Variants in C2orf15 observed in about 807,000 individuals in gnomAD.
The protein encoded by C2orf15 is uncharacterized protein C2orf15.
In C2orf15, 3 loss-of-function variants were observed where a neutral mutation model predicts 4.4. The observed-to-expected ratio is 0.67, with a 90% CI of 0.31 to 1.74. C2orf15 has a LOEUF of 1.74. Ranked by LOEUF, C2orf15 falls within the 40% of genes most tolerant of loss-of-function variation. The probability of loss-of-function intolerance (pLI) is 0.09; values close to 1 mark genes in which losing one functional copy is unlikely to be tolerated. For synonymous variants in C2orf15, 37 were observed against 36.8 expected (o/e 1.00, Z -0.02); for missense variants, 90 against 103.3 (o/e 0.87, Z 0.56).
Position 99,150,485 on chromosome 2 carries a change from A to G in C2orf15, c.-74A>G, listed in dbSNP as rs750988071. 53 of 1,505,892 alleles carry G rather than the reference A, an allele frequency of 3.5e-5. No individual in the cohort carries two copies. The highest frequency in any genetic ancestry group is 4.6e-5 in the Non-Finnish European group (51 of 1,120,648). 93.3% of individuals were successfully genotyped at this position (1,505,892 alleles called of 1,614,324 possible). On this transcript the variant is annotated splice_region_variant and 5_prime_UTR_variant, in exon 4 of 4. Transcript: ENST00000650052. ...GTTACTTTTTTTTTTTTTTTCAGTA[A>G]TCAAGTTGAAGAAACACTTCCACTA...
rs1427865781 is a variant in C2orf15, at chr2:99,142,388, C to A, written c.-182C>A. On this transcript the variant is annotated 5_prime_UTR_variant, in exon 2 of 4. Coordinates refer to ENST00000650052, the MANE Select transcript of C2orf15 (RefSeq NM_144706.4). Reference sequence around the variant, plus strand: ...CTCTCGTTTGAGGAGACTAACAATTCCTGTTTTCGCCAGGTGAGTACTCAT... The same window carrying A: ...CTCTCGTTTGAGGAGACTAACAATTACTGTTTTCGCCAGGTGAGTACTCAT... 6.6e-6 allele frequency: 1 copy of A among 152,156 alleles called. No homozygotes were observed. Among genetic ancestry groups the A allele is most frequent in the Admixed American group, 6.5e-5 (1 of 15,284 alleles). The allele number at this position is 152,156 out of a possible 1,614,324, so 9.4% of individuals were successfully genotyped here. A position where few individuals can be genotyped will look rare whatever the true frequency, so the allele number is the denominator to read the frequency against.
Position 99,147,436 on chromosome 2 carries a change from A to G in C2orf15, c.-134A>G. 1 of 1,613,110 alleles carries G rather than the reference A, an allele frequency of 6.2e-7. No individual in the cohort carries two copies. The highest frequency in any genetic ancestry group is 8.5e-7 in the Non-Finnish European group (1 of 1,179,144). On this transcript the variant is annotated 5_prime_UTR_variant, in exon 3 of 4. Coordinates refer to ENST00000650052, the MANE Select transcript of C2orf15 (RefSeq NM_144706.4). ...TGAATGGCAACCTAAATGCCAGTCC[A>G]AAGAGGCCCCCAATAGACTTGTTCA... is the stretch of plus-strand genomic sequence containing the variant.
At chr2:99,143,402 A>G (rs6726618) in intron 2 of C2orf15, among the ~76,000 whole-genome samples, 89,137 of 148,998 alleles carry the variant, frequency 0.6, 27,273 homozygotes, top group East Asian at 0.88. Context: ...CTCATGATCC[A>G]CCCGCCTCAG....
rs868706269 is a variant in C2orf15 at position 99,150,894 on chromosome 2, A to C, written c.*60A>C. 1.5e-5 allele frequency: 17 copies of C among 1,103,112 alleles called. No homozygotes were observed. The Middle Eastern group carries it at 6.2e-4, about 40-fold the overall frequency. 68.3% of individuals were successfully genotyped at this position (1,103,112 alleles called of 1,614,324 possible). ...CTGCCTTTGACTAAGGGGGGTGTTGAAAGAGAACTTAACCTTATTAGGAAA... is the reference window on the plus strand; with the variant it reads ...CTGCCTTTGACTAAGGGGGGTGTTGCAAGAGAACTTAACCTTATTAGGAAA... On this transcript the variant is annotated 3_prime_UTR_variant, in exon 4 of 4. Coordinates refer to ENST00000650052, the MANE Select transcript of C2orf15 (RefSeq NM_144706.4).
At chr2:99,143,875 C>T (rs1299036310) in intron 2 of C2orf15, among the ~76,000 whole-genome samples, 1 of 152,120 alleles carries the variant, frequency 6.6e-6, no homozygotes, top group Non-Finnish European at 1.5e-5. Flanking sequence ...TCAAAAGCTT[C>T]ACTACAAAAA....
At position 99,150,521 on chromosome 2, in the gene C2orf15, T is replaced by C; in HGVS notation, c.-38T>C. ...GAAACACTTCCACTACTTAAAAAGG[T>C]ACCTGCAAATTACTTTCACATTTGT... On this transcript the variant is annotated 5_prime_UTR_variant, in exon 4 of 4. Coordinates refer to ENST00000650052, the MANE Select transcript of C2orf15 (RefSeq NM_144706.4). The C allele has an allele frequency of 6.3e-7, 1 of 1,596,790 alleles. No homozygotes were observed.
intron 2 of C2orf15, among the ~76,000 whole-genome samples, chr2:99,146,298 G>A (rs2093631281): frequency 6.6e-6 from 1 of 152,132 alleles, no homozygotes; most frequent in Non-Finnish European, 1.5e-5. Flanking sequence ...TGTGAATTAT[G>A]TTTTTATATC....
intron 3 of C2orf15, among the ~76,000 whole-genome samples, chr2:99,149,859 A>C (rs11684610): frequency 0.61 from 87,108 of 143,476 alleles, 26,700 homozygotes; most frequent in East Asian, 0.89. Flanking sequence ...GTGGTGCAAT[A>C]TTGGCTCACT....
At chr2:99,150,186 T>G (rs2093678897) in intron 3 of C2orf15, among the ~76,000 whole-genome samples, 1 of 152,202 alleles carries the variant, frequency 6.6e-6, no homozygotes, top group South Asian at 2.1e-4. Context: ...TTTAGCCCAT[T>G]AGTAATGAAT....
intron 2 of C2orf15, among the ~76,000 whole-genome samples, chr2:99,145,561 A>AAG (rs1273022990): frequency 1.1e-5 from 1 of 93,960 alleles, no homozygotes; most frequent in African/African-American, 3.4e-5. Context: ...CTGTCCCAAA[A>AAG]AGAAAAAAAA....
chr2:99,147,598 C>G (rs1387153367), intron 3 of C2orf15, 105 bp downstream of exon 3: 1 of 969,068 alleles, frequency 1.0e-6, no homozygotes, highest in Non-Finnish European at 1.6e-6. Context: ...TGTTACCATT[C>G]TTTTACGTTT....
intron 2 of C2orf15, among the ~76,000 whole-genome samples, chr2:99,143,127 C>G (rs1046340641): frequency 2.1e-5 from 3 of 142,168 alleles, no homozygotes; most frequent in Non-Finnish European, 4.6e-5. Context: ...CCTGCCCCAA[C>G]TAAACCTTTT....
rs930421836 is a variant in C2orf15 at position 99,145,746 on chromosome 2, G to T, written c.-168-1656G>T. Among the ~76,000 whole-genome samples, 4 of 152,202 alleles carry T rather than the reference G, an allele frequency of 2.6e-5. No homozygotes were observed. In the South Asian group the frequency reaches 8.3e-4, roughly 32 times the overall value. On this transcript the variant is annotated intron_variant, in intron 2 of 3. Coordinates refer to ENST00000650052, the MANE Select transcript of C2orf15 (RefSeq NM_144706.4). ...GAAGACTATTATTCTGCCTACCACA[G>T]CTGGGGACCAGATATGTAGATAATT...
intron 2 of C2orf15, among the ~76,000 whole-genome samples, chr2:99,146,821 G>A (rs758922193): frequency 6.6e-6 from 1 of 152,152 alleles, no homozygotes; most frequent in Admixed American, 6.5e-5. Context: ...TAGAGACAGA[G>A]TTTCACCATG....
rs1234859315 is a variant in C2orf15 at position 99,150,871 on chromosome 2, G to T, written c.*37G>T. The T allele has an allele frequency of 7.2e-7, 1 of 1,390,166 alleles. No individual in the cohort carries two copies. Among genetic ancestry groups the T allele is most frequent in the Non-Finnish European group, 9.9e-7 (1 of 1,013,236 alleles). The allele number at this position is 1,390,166 out of a possible 1,614,324, so 86.1% of individuals were successfully genotyped here. A position where few individuals can be genotyped will look rare whatever the true frequency, so the allele number is the denominator to read the frequency against. ...CGTATTACCAAAGAAACCAAAAACTGCCTTTGACTAAGGGGGGTGTTGAAA... is the reference window on the plus strand; with the variant it reads ...CGTATTACCAAAGAAACCAAAAACTTCCTTTGACTAAGGGGGGTGTTGAAA... On this transcript the variant is annotated 3_prime_UTR_variant, in exon 4 of 4. Coordinates refer to ENST00000650052, the MANE Select transcript of C2orf15 (RefSeq NM_144706.4).
intron 2 of C2orf15, among the ~76,000 whole-genome samples, chr2:99,146,140 G>A (rs1376412870): frequency 6.6e-6 from 1 of 151,928 alleles, no homozygotes; most frequent in Non-Finnish European, 1.5e-5. Flanking sequence ...AAAATTAGCC[G>A]GGCATGGTGG....
Position 99,142,284 on chromosome 2 carries a change from G to A in C2orf15, c.-285-1G>A, listed in dbSNP as rs2093575097. 6.6e-6 allele frequency: 1 copy of A among 152,176 alleles called. No homozygotes were observed. The highest frequency in any genetic ancestry group is 2.1e-4 in the South Asian group (1 of 4,828). 9.4% of individuals were successfully genotyped at this position (152,176 alleles called of 1,614,324 possible). On this transcript the variant is annotated splice_acceptor_variant, in intron 1 of 3. Transcript: ENST00000650052. LOFTEE classifies it low-confidence loss of function (5UTR_SPLICE). ...GGTGACTTTATCTCCTTTTCCTGCAGATGACATAGACACTAGGTTTTTACA... is the reference window on the plus strand; with the variant it reads ...GGTGACTTTATCTCCTTTTCCTGCAAATGACATAGACACTAGGTTTTTACA...
chr2:99,147,621 T>C, intron 3 of C2orf15, 128 bp downstream of exon 3: 5 of 815,170 alleles, frequency 6.1e-6, no homozygotes, highest in Non-Finnish European at 9.6e-6. Flanking sequence ...TGATTTCAAA[T>C]GCCATGTTTT....
At position 99,142,377 on chromosome 2, in the gene C2orf15, G is replaced by A. The variant is rs1468441742; in HGVS notation, c.-193G>A. ...TCAAGAGTAAGCTCTCGTTTGAGGAGACTAACAATTCCTGTTTTCGCCAGG... is the reference window on the plus strand; with the variant it reads ...TCAAGAGTAAGCTCTCGTTTGAGGAAACTAACAATTCCTGTTTTCGCCAGG... On this transcript the variant is annotated 5_prime_UTR_variant, in exon 2 of 4. Transcript: ENST00000650052. 1 of 152,172 alleles carries A rather than the reference G, an allele frequency of 6.6e-6. No individual in the cohort carries two copies. 9.4% of individuals were successfully genotyped at this position (152,172 alleles called of 1,614,324 possible).
Sources: allele counts gnomAD v4.1 joint callset (sites outside exome capture counted in the v4.1 genomes callset), GRCh38; gene constraint gnomAD v4.1.1; transcripts MANE v1.5; gene names NCBI Gene and HGNC (gene_info 2026-07-23, HGNC 2026-07-21).